WARS2: variants seen among roughly 807,000 people sequenced by gnomAD.
WARS2 encodes the protein tryptophan--tRNA ligase, mitochondrial.
Under a neutral mutation model 36.5 loss-of-function variants are expected in WARS2, and 28 were observed. The observed-to-expected ratio is 0.77, with a 90% CI of 0.57 to 1.05. WARS2 has a LOEUF of 1.05. WARS2 is among the 50% of genes least tolerant of loss of function. WARS2 has a pLI of 0.00. For missense variants in WARS2, 435 were observed against 456.8 expected (o/e 0.95, Z 0.44); for synonymous variants, 174 against 178.4 (o/e 0.98, Z 0.20).
chr1:119,073,602 A>G (rs2101297959), intron 2 of WARS2, among the ~76,000 whole-genome samples: 1 of 152,328 alleles, frequency 6.6e-6, no homozygotes, highest in East Asian at 1.9e-4. Context: ...TATGAGGAGA[A>G]GACGGGCACA....
rs60036276 is a variant in WARS2, at chr1:119,127,173, T to C, written c.90+13382A>G. The C allele has an allele frequency of 4.4e-3, 3,215 of 726,444 alleles. 80 individuals carry two copies. In the African/African-American group the frequency reaches 0.048, roughly 11 times the overall value. 45.0% of individuals were successfully genotyped at this position (726,444 alleles called of 1,614,324 possible). ...TAGCATCTTTCCAGTATTTCTTATATTGAACATAGCAAGTGCTTTCACATC... is the reference window on the plus strand; with the variant it reads ...TAGCATCTTTCCAGTATTTCTTATACTGAACATAGCAAGTGCTTTCACATC... On this transcript the variant is annotated intron_variant, in intron 1 of 5. Transcript: ENST00000235521.
At chr1:119,071,661 G>C (rs1312916763) in intron 2 of WARS2, among the ~76,000 whole-genome samples, 2 of 152,138 alleles carry the variant, frequency 1.3e-5, no homozygotes, top group African/African-American at 2.4e-5. Flanking sequence ...AAGCACAGTA[G>C]AATGGGGCAA....
chr1:119,035,666 A>G (rs1197875204), intron 4 of WARS2, among the ~76,000 whole-genome samples: 2 of 152,164 alleles, frequency 1.3e-5, no homozygotes, highest in Non-Finnish European at 2.9e-5. Context: ...ACATACCACA[A>G]ATAGTAATGC....
rs79233923 is a variant in WARS2 at position 119,109,222 on chromosome 1, T to C, written c.90+31333A>G. Among the ~76,000 whole-genome samples, 957 of 152,106 alleles carry C rather than the reference T, an allele frequency of 6.3e-3. 9 individuals are homozygous for C. Among genetic ancestry groups the C allele is most frequent in the African/African-American group, 0.022 (933 of 41,574 alleles). ...ATACAAATCATCTATAGATGTCAGT[T>C]CTATTCAGTTGATTTATGGAGTGTT... On this transcript the variant is annotated intron_variant, in intron 1 of 5. Transcript: ENST00000235521.
rs1208878020 is a variant in WARS2, at chr1:119,031,239, GT to G, written c.*1671del. On this transcript the variant is annotated 3_prime_UTR_variant, in exon 6 of 6. Coordinates refer to ENST00000235521, the MANE Select transcript of WARS2 (RefSeq NM_015836.4). ...AATTGGCTTGATAGATCTACCTTTAGTTTTGTCATTTTCCAGTATTCACAAT... is the reference window on the plus strand; with the variant it reads ...AATTGGCTTGATAGATCTACCTTTAGTTTGTCATTTTCCAGTATTCACAAT... The G allele has an allele frequency of 6.6e-6, 1 of 152,174 alleles. No homozygotes were observed. Among genetic ancestry groups the G allele is most frequent in the East Asian group, 1.9e-4 (1 of 5,196 alleles). The allele number at this position is 152,174 out of a possible 1,614,324, so 9.4% of individuals were successfully genotyped here. A position where few individuals can be genotyped will look rare whatever the true frequency, so the allele number is the denominator to read the frequency against.
At chr1:119,067,613 G>C (rs1160327090) in intron 2 of WARS2, among the ~76,000 whole-genome samples, 1 of 152,140 alleles carries the variant, frequency 6.6e-6, no homozygotes, top group Non-Finnish European at 1.5e-5. Flanking sequence ...AAGGAGCCTA[G>C]GGTGGGAGCA....
At chr1:119,106,589 C>A (rs2101479890) in intron 1 of WARS2, among the ~76,000 whole-genome samples, 1 of 152,264 alleles carries the variant, frequency 6.6e-6, no homozygotes. Context: ...TGATTGGCTT[C>A]TTTTACTTAG....
At chr1:119,073,846 T>G (rs1400777301) in intron 2 of WARS2, among the ~76,000 whole-genome samples, 10 of 152,164 alleles carry the variant, frequency 6.6e-5, no homozygotes. Context: ...TAAAAATCCT[T>G]TACAAAGTGA....
At chr1:119,040,770 A>C (rs1434274134) in intron 4 of WARS2, among the ~76,000 whole-genome samples, 1 of 152,228 alleles carries the variant, frequency 6.6e-6, no homozygotes, top group Non-Finnish European at 1.5e-5. Flanking sequence ...TCCTGTGCTT[A>C]ATAATTATTC....
At chr1:119,070,962 C>T (rs1209779672) in intron 2 of WARS2, among the ~76,000 whole-genome samples, 1 of 151,874 alleles carries the variant, frequency 6.6e-6, no homozygotes, top group African/African-American at 2.4e-5. Flanking sequence ...GTGGACAGAT[C>T]ATTTGAGGTC....
At chr1:119,136,889 A>C (rs1399110673) in intron 1 of WARS2, among the ~76,000 whole-genome samples, 2 of 152,228 alleles carry the variant, frequency 1.3e-5, no homozygotes, top group African/African-American at 2.4e-5. Context: ...TATGAACAAT[A>C]TCTCTTCGTG....
At chr1:119,132,976 T>G (rs587658344) in intron 1 of WARS2, among the ~76,000 whole-genome samples, 1 of 152,266 alleles carries the variant, frequency 6.6e-6, no homozygotes, top group South Asian at 2.1e-4. Flanking sequence ...TGCCACTTCT[T>G]GAAGAAAGCA....
At chr1:119,087,792 A>G (rs1163022628) in intron 1 of WARS2, among the ~76,000 whole-genome samples, 1 of 152,184 alleles carries the variant, frequency 6.6e-6, no homozygotes, top group Non-Finnish European at 1.5e-5. Flanking sequence ...TGCCTTTCTT[A>G]TTGATATTGT....
At chr1:119,101,788 T>C (rs1653883914) in intron 1 of WARS2, among the ~76,000 whole-genome samples, 1 of 152,254 alleles carries the variant, frequency 6.6e-6, no homozygotes, top group Non-Finnish European at 1.5e-5. Flanking sequence ...AGCAGGCTCC[T>C]TAAGGGCCAC....
At chr1:119,078,393 G>A (rs955645245) in intron 1 of WARS2, among the ~76,000 whole-genome samples, 2 of 152,086 alleles carry the variant, frequency 1.3e-5, no homozygotes, top group Non-Finnish European at 2.9e-5. Flanking sequence ...GTATGTATAC[G>A]TATCTTCAAT....
chr1:119,075,154 G>GTA (rs774946774), intron 2 of WARS2, among the ~76,000 whole-genome samples: 52 of 151,118 alleles, frequency 3.4e-4, no homozygotes, highest in Non-Finnish European at 5.4e-4. Context: ...AAAAATTAGT[G>GTA]TATATATATA....
chr1:119,124,059 G>A (rs771866619), intron 1 of WARS2, among the ~76,000 whole-genome samples: 3 of 152,126 alleles, frequency 2.0e-5, no homozygotes, highest in Admixed American at 6.5e-5. Flanking sequence ...TGTTACTGTT[G>A]CATTATTTTG....
At chr1:119,136,831 T>C (rs1201759932) in intron 1 of WARS2, among the ~76,000 whole-genome samples, 1 of 152,246 alleles carries the variant, frequency 6.6e-6, no homozygotes, top group Non-Finnish European at 1.5e-5. Context: ...CCAAAGACTA[T>C]TTCTTCACGT....
chr1:119,092,369 A>G (rs983582917), intron 1 of WARS2, among the ~76,000 whole-genome samples: 3 of 152,216 alleles, frequency 2.0e-5, no homozygotes, highest in African/African-American at 7.2e-5. Flanking sequence ...TATACATTTA[A>G]AATGACATTA....
Sources: gnomAD v4.1 joint callset for allele counts (sites outside exome capture counted in the v4.1 genomes callset) on GRCh38, gnomAD v4.1.1 for gene constraint, MANE v1.5 for transcripts, NCBI Gene and HGNC (gene_info 2026-07-23, HGNC 2026-07-21) for gene names.